UBE2D2: variants seen among roughly 807,000 people sequenced by gnomAD.
UBE2D2 encodes ubiquitin-conjugating enzyme E2 D2.
Under a neutral mutation model 24.2 loss-of-function variants are expected in UBE2D2, and 2 were observed. The observed-to-expected ratio is 0.08, with a 90% CI of 0.03 to 0.26. The LOEUF (loss-of-function observed/expected upper bound fraction) is 0.26, where lower values mean the gene tolerates loss of function less well. UBE2D2 is among the 10% of genes least tolerant of loss of function. The pLI, the probability that UBE2D2 is intolerant of heterozygous loss-of-function variation, is 1.00. For missense variants in UBE2D2, 44 were observed against 177.6 expected (o/e 0.25, Z 4.28); for synonymous variants, 58 against 56.5 (o/e 1.03, Z -0.12).
At chr5:139,531,811 A>C (rs1752601573) in intron 1 of UBE2D2, among the ~76,000 whole-genome samples, 1 of 151,532 alleles carries the variant, frequency 6.6e-6, no homozygotes, top group South Asian at 2.1e-4. Flanking sequence ...AAAATACAAA[A>C]ACAAAAACAA....
chr5:139,550,638 G>A (rs1752902083), intron 1 of UBE2D2, among the ~76,000 whole-genome samples: 1 of 151,948 alleles, frequency 6.6e-6, no homozygotes, highest in South Asian at 2.1e-4. Context: ...TACACACTGA[G>A]TTTATGAGCT....
At chr5:139,563,054 C>T (rs890137753) in intron 1 of UBE2D2, among the ~76,000 whole-genome samples, 1 of 152,146 alleles carries the variant, frequency 6.6e-6, no homozygotes, top group Non-Finnish European at 1.5e-5. Context: ...GTTGGAATTA[C>T]AGGCATCAAT....
Position 139,533,576 on chromosome 5 carries a change from G to A in UBE2D2, c.-64+6964G>A, listed in dbSNP as rs563855564. On this transcript the variant is annotated intron_variant, in intron 1 of 6. Transcript: ENST00000511725. The stretch of plus-strand genomic sequence containing the variant: ...GAGGCAGGAGAATCGCTTGAACCAG[G>A]GAGGAGGAGGTTGCGGTGAGCCCAA... Among the ~76,000 whole-genome samples the A allele has an allele frequency of 6.6e-5, 10 of 151,710 alleles. No individual in the cohort carries two copies. The East Asian group carries it at 1.6e-3, about 24-fold the overall frequency.
At chr5:139,568,120 G>A (rs915579979) in intron 1 of UBE2D2, among the ~76,000 whole-genome samples, 8 of 151,898 alleles carry the variant, frequency 5.3e-5, no homozygotes, top group Non-Finnish European at 1.2e-4. Flanking sequence ...GAGGCGGGCC[G>A]ACCACCTGAG....
At chr5:139,565,821 G>T (rs910727743) in intron 1 of UBE2D2, among the ~76,000 whole-genome samples, 3 of 152,104 alleles carry the variant, frequency 2.0e-5, no homozygotes, top group Admixed American at 6.6e-5. Flanking sequence ...CTTGGGAAGG[G>T]TAAAAGGCTA....
rs943048602 is a variant in UBE2D2, at chr5:139,626,929, C to G, written c.*128C>G. 1 of 719,018 alleles carries G rather than the reference C, an allele frequency of 1.4e-6. No individual in the cohort carries two copies. The highest frequency in any genetic ancestry group is 2.4e-6 in the Non-Finnish European group (1 of 424,810). 44.5% of individuals were successfully genotyped at this position (719,018 alleles called of 1,614,324 possible). On this transcript the variant is annotated 3_prime_UTR_variant, in exon 7 of 7. Transcript: ENST00000398733. ...CATCTTCCCCTGTGCACATGTTTAC[C>G]TGATACAGCAGTGCTGCGTGTTGTA... is the stretch of plus-strand genomic sequence containing the variant.
chr5:139,615,029 T>C, intron 5 of UBE2D2, 63 bp downstream of exon 5: 2 of 1,428,594 alleles, frequency 1.4e-6, no homozygotes, highest in Non-Finnish European at 1.9e-6. Context: ...TAGAGTTATT[T>C]ATTTTTGAAA....
At chr5:139,533,901 G>T (rs1752629621) in intron 1 of UBE2D2, among the ~76,000 whole-genome samples, 1 of 150,130 alleles carries the variant, frequency 6.7e-6, no homozygotes, top group African/African-American at 2.4e-5. Flanking sequence ...TCCTGCCTCA[G>T]CCTCCCGAGT....
chr5:139,562,223 C>T (rs1334409417), intron 1 of UBE2D2: 5 of 1,372,930 alleles, frequency 3.6e-6, no homozygotes, highest in Non-Finnish European at 3.9e-6. Flanking sequence ...TTTCTGTTCC[C>T]TCCTCCCACA....
At position 139,614,847 on chromosome 5, in the gene UBE2D2, C is replaced by T. The variant is rs1472136113; in HGVS notation, c.199-14C>T. ...AATAAACTAGTTTACAGAAAGTTTC[C>T]TTTCTTTCTGTAGGTTGCATTTACA... On this transcript the variant is annotated splice_polypyrimidine_tract_variant and intron_variant, in intron 4 of 6. Transcript: ENST00000398733. 8 of 1,612,040 alleles carry T rather than the reference C, an allele frequency of 5.0e-6. No homozygotes were observed. The highest frequency in any genetic ancestry group is 6.8e-6 in the Non-Finnish European group (8 of 1,179,000).
At chr5:139,576,887 G>C (rs1290371715) in intron 1 of UBE2D2, among the ~76,000 whole-genome samples, 1 of 150,432 alleles carries the variant, frequency 6.6e-6, no homozygotes, top group African/African-American at 2.5e-5. Context: ...TCTGTCAGTT[G>C]GTGTTTTGAA....
chr5:139,561,823 GC>G lies in UBE2D2; in HGVS notation c.24+10del. 1 of 1,496,224 alleles carries G rather than the reference GC, an allele frequency of 6.7e-7. No homozygotes were observed. Among genetic ancestry groups the G allele is most frequent in the Non-Finnish European group, 8.9e-7 (1 of 1,128,294 alleles). The allele number at this position is 1,496,224 out of a possible 1,614,324, so 92.7% of individuals were successfully genotyped here. ...CTGAAGAGAATCCACAAGGTAAGCG[GC>G]CGGAGGTCGGCTGCGCTGCTGGCCA... On this transcript the variant is annotated intron_variant, in intron 1 of 6. Transcript: ENST00000398733.
At chr5:139,559,831 C>A (rs1753035380), upstream of UBE2D2, among the ~76,000 whole-genome samples, 1 of 152,122 alleles carries the variant, frequency 6.6e-6, no homozygotes, top group South Asian at 2.1e-4. Flanking sequence ...TACCTCCCAG[C>A]AAAATATTCT....
intron 1 of UBE2D2, among the ~76,000 whole-genome samples, chr5:139,550,836 C>T (rs1752908183): frequency 6.6e-6 from 1 of 152,148 alleles, no homozygotes; most frequent in African/African-American, 2.4e-5. Flanking sequence ...CCAAACACGT[C>T]TGAACATCAG....
chr5:139,537,787 AC>A lies in UBE2D2; in HGVS notation c.-64+11179del, dbSNP rs1199468251. Among the ~76,000 whole-genome samples, 6 of 150,980 alleles carry A rather than the reference AC, an allele frequency of 4.0e-5. No individual in the cohort carries two copies. The East Asian group carries it at 1.2e-3, about 30-fold the overall frequency. ...AGACCATCCTGGCTAACACGGTGAG[AC>A]CCCTTCTCTACTAAAAATACAAAAA... is the stretch of plus-strand genomic sequence containing the variant. On this transcript the variant is annotated intron_variant, in intron 1 of 6. Transcript: ENST00000511725.
intron 1 of UBE2D2, among the ~76,000 whole-genome samples, chr5:139,578,131 G>A (rs1753518309): frequency 6.6e-6 from 1 of 152,126 alleles, no homozygotes. Context: ...AGAGTGGGTA[G>A]AGAGCAGAGA....
At chr5:139,545,380 T>C in intron 1 of UBE2D2, among the ~76,000 whole-genome samples, 1 of 151,548 alleles carries the variant, frequency 6.6e-6, no homozygotes, top group Non-Finnish European at 1.5e-5. Flanking sequence ...GTCTTCTATT[T>C]TTTTTTTTTT....
Position 139,563,276 on chromosome 5 carries a change from A to G in UBE2D2, c.24+1461A>G, listed in dbSNP as rs145795016. On this transcript the variant is annotated intron_variant, in intron 1 of 6. Coordinates refer to ENST00000398733, the MANE Select transcript of UBE2D2 (RefSeq NM_003339.3). ...TCAAAGACAGTGTGGAATCAGTCCC[A>G]TTGGTTACTATAATTAGGTTAGCTC... Among the ~76,000 whole-genome samples the G allele has an allele frequency of 5.7e-3, 875 of 152,274 alleles. 13 individuals carry two copies. Among genetic ancestry groups the G allele is most frequent in the African/African-American group, 0.018 (751 of 41,558 alleles).
intron 1 of UBE2D2, among the ~76,000 whole-genome samples, chr5:139,566,448 C>T (rs1209116686): frequency 6.6e-6 from 1 of 151,976 alleles, no homozygotes; most frequent in Admixed American, 6.6e-5. Flanking sequence ...CCCAGGTGGG[C>T]AGATCGCTTG....
Sources: gnomAD v4.1 joint callset for allele counts (sites outside exome capture counted in the v4.1 genomes callset) on GRCh38, gnomAD v4.1.1 for gene constraint, MANE v1.5 for transcripts, NCBI Gene and HGNC (gene_info 2026-07-23, HGNC 2026-07-21) for gene names.